Variants in SORCS2 observed in about 807,000 individuals in gnomAD.
SORCS2 encodes VPS10 domain-containing receptor SorCS2.
In SORCS2, 100 loss-of-function variants were observed where a neutral mutation model predicts 141.6. The ratio of observed to expected loss-of-function variants is 0.71; its 90% CI spans 0.60 to 0.83. The LOEUF (loss-of-function observed/expected upper bound fraction) is 0.83, where lower values mean the gene tolerates loss of function less well. Among genes scored for constraint, SORCS2 ranks in the 40% least tolerant of loss-of-function variants. The pLI is 0.00. For synonymous variants in SORCS2, 789 were observed against 676.9 expected (o/e 1.17, Z -2.57); for missense variants, 1,646 against 1,560.2 (o/e 1.05, Z -0.93).
At chr4:7,194,197 C>T (rs1356667048) in intron 1 of SORCS2, among the ~76,000 whole-genome samples, 2 of 152,090 alleles carry the variant, frequency 1.3e-5, no homozygotes, top group African/African-American at 4.8e-5. Context: ...ATTTCTGTGC[C>T]TTGCTGTCTC....
At chr4:7,195,554 C>T (rs1199998019) in intron 1 of SORCS2, among the ~76,000 whole-genome samples, 1 of 152,176 alleles carries the variant, frequency 6.6e-6, no homozygotes, top group Non-Finnish European at 1.5e-5. Flanking sequence ...GGCGAGGCTG[C>T]AGGAGTTTGA....
intron 1 of SORCS2, among the ~76,000 whole-genome samples, chr4:7,348,854 A>G (rs1481851204): frequency 1.3e-5 from 2 of 152,178 alleles, no homozygotes; most frequent in African/African-American, 4.8e-5. Flanking sequence ...CACCAGGCCG[A>G]ATCTTGTGTT....
At chr4:7,708,281 C>T (rs1725600841) in intron 14 of SORCS2, among the ~76,000 whole-genome samples, 1 of 152,194 alleles carries the variant, frequency 6.6e-6, no homozygotes. Context: ...CCGCCCACTC[C>T]ACAGCAGACA....
chr4:7,507,474 G>A (rs998517357), intron 2 of SORCS2, among the ~76,000 whole-genome samples: 2 of 152,178 alleles, frequency 1.3e-5, no homozygotes, highest in Admixed American at 6.5e-5. Flanking sequence ...GTGCCTGGCC[G>A]ATAAATTCTT....
chr4:7,520,950 C>T (rs967363387), intron 2 of SORCS2, among the ~76,000 whole-genome samples: 28 of 152,358 alleles, frequency 1.8e-4, no homozygotes, highest in African/African-American at 6.7e-4. Context: ...CATTGGTGCA[C>T]GGATCAGGGG....
chr4:7,592,811 G>A (rs1225433368), intron 3 of SORCS2, among the ~76,000 whole-genome samples: 1 of 152,328 alleles, frequency 6.6e-6, no homozygotes, highest in South Asian at 2.1e-4. Flanking sequence ...ACAACATTGA[G>A]ATTTGTTGAA....
In SORCS2 at chr4:7,488,569, G is replaced by A. The variant is rs181812907; in HGVS notation, c.549-42961G>A. Reference sequence around the variant, plus strand: ...CATTTCCCAGAGCATCCTCCACAGCGACTTTCCCAGACCTTCCCTGCCTCT... The same window carrying A: ...CATTTCCCAGAGCATCCTCCACAGCAACTTTCCCAGACCTTCCCTGCCTCT... On this transcript the variant is annotated intron_variant, in intron 2 of 26. Coordinates refer to ENST00000507866, the MANE Select transcript of SORCS2 (RefSeq NM_020777.3). Among the ~76,000 whole-genome samples the A allele has an allele frequency of 1.4e-3, 206 of 152,306 alleles. 1 individual carries two copies. The highest frequency in any genetic ancestry group is 6.8e-3 in the Middle Eastern group (2 of 294).
At chr4:7,485,358 C>T (rs976974535) in intron 2 of SORCS2, among the ~76,000 whole-genome samples, 1 of 152,236 alleles carries the variant, frequency 6.6e-6, no homozygotes, top group Non-Finnish European at 1.5e-5. Context: ...CCAGCCAAGG[C>T]CCCGGAGTTG....
rs1369725662 is a variant in SORCS2, at chr4:7,697,347, G to GTCCATGGACACT, written c.1668+75_1668+76insCATGGACACTTC. 4.7e-6 allele frequency: 6 copies of GTCCATGGACACT among 1,288,744 alleles called. No individual in the cohort carries two copies. The East Asian group carries it at 1.3e-4, about 27-fold the overall frequency. The allele number at this position is 1,288,744 out of a possible 1,614,324, so 79.8% of individuals were successfully genotyped here. ...GACCCTCAGGAGACACTTCTGTTCTGTCATCCCGTCCATTCCAGAGGCTCT... is the reference window on the plus strand; with the variant it reads ...GACCCTCAGGAGACACTTCTGTTCTGTCCATGGACACTTCATCCCGTCCATTCCAGAGGCTCT... On this transcript the variant is annotated intron_variant, in intron 12 of 26. Transcript: ENST00000507866.
At chr4:7,338,196 TGGATGTTG>T (rs1720123507) in intron 1 of SORCS2, among the ~76,000 whole-genome samples, 2 of 146,274 alleles carry the variant, frequency 1.4e-5, no homozygotes, top group East Asian at 4.1e-4. Flanking sequence ...GGATGTTGGA[TGGATGTTG>T]GTTGGATGGA....
At chr4:7,333,441 G>C (rs1293481800) in intron 1 of SORCS2, among the ~76,000 whole-genome samples, 3 of 152,230 alleles carry the variant, frequency 2.0e-5, no homozygotes, top group Admixed American at 6.5e-5. Flanking sequence ...CTGCTCTGTT[G>C]TGGGGGTGTT....
intron 3 of SORCS2, among the ~76,000 whole-genome samples, chr4:7,586,317 G>GT (rs1242310934): frequency 3.4e-5 from 5 of 148,128 alleles, no homozygotes; most frequent in Admixed American, 2.7e-4. Context: ...CAATGACGAT[G>GT]TTTTTTCTTC....
At chr4:7,224,958 C>G (rs760296789) in intron 1 of SORCS2, among the ~76,000 whole-genome samples, 3 of 152,228 alleles carry the variant, frequency 2.0e-5, no homozygotes, top group Non-Finnish European at 4.4e-5. Context: ...GGTCTTCTCT[C>G]TACCTCATGG....
chr4:7,397,633 C>T (rs1443844463), intron 2 of SORCS2, among the ~76,000 whole-genome samples: 1 of 152,188 alleles, frequency 6.6e-6, no homozygotes. Context: ...TGTCTCGTTC[C>T]TCCGGTGCTG....
chr4:7,666,680 T>C (rs1171109302), intron 7 of SORCS2, among the ~76,000 whole-genome samples: 1 of 152,186 alleles, frequency 6.6e-6, no homozygotes, highest in Admixed American at 6.5e-5. Context: ...CAGATGCCCA[T>C]GGCCACAGTT....
intron 3 of SORCS2, among the ~76,000 whole-genome samples, chr4:7,536,841 GGGGC>G (rs200597096): frequency 1.3e-3 from 60 of 47,008 alleles, no homozygotes; most frequent in East Asian, 7.4e-3. Flanking sequence ...GTGGGGGGGG[GGGGC>G]GGGCAGGGCC....
At chr4:7,361,919 A>C (rs920320675) in intron 1 of SORCS2, among the ~76,000 whole-genome samples, 1 of 24,618 alleles carries the variant, frequency 4.1e-5, no homozygotes. Context: ...GGACGCGGGG[A>C]GGGCGGTGGG....
chr4:7,474,855 C>T (rs1024733242), intron 2 of SORCS2, among the ~76,000 whole-genome samples: 2 of 152,156 alleles, frequency 1.3e-5, no homozygotes, highest in South Asian at 2.1e-4. Flanking sequence ...CAGGGCCAGG[C>T]TCCCTCTATG....
At chr4:7,678,419 ACAAG>A (rs1723304431) in intron 9 of SORCS2, among the ~76,000 whole-genome samples, 1 of 148,738 alleles carries the variant, frequency 6.7e-6, no homozygotes, top group Non-Finnish European at 1.5e-5. Context: ...GCTGGTGGTT[ACAAG>A]CACAACTCTG....
Sources: allele counts gnomAD v4.1 joint callset (sites outside exome capture counted in the v4.1 genomes callset), GRCh38; gene constraint gnomAD v4.1.1; transcripts MANE v1.5; gene names NCBI Gene and HGNC (gene_info 2026-07-23, HGNC 2026-07-21).